ARHGAP24: variants seen among roughly 807,000 people sequenced by gnomAD.
ARHGAP24 encodes rho GTPase-activating protein 24.
In ARHGAP24, 50 loss-of-function variants were observed where a neutral mutation model predicts 76.4. That is an observed-to-expected ratio of 0.65 (90% CI 0.52 to 0.83). ARHGAP24 has a LOEUF of 0.83. ARHGAP24 is among the 40% of genes least tolerant of loss of function. ARHGAP24 has a pLI of 0.00. For missense variants in ARHGAP24, 930 were observed against 914.2 expected, an observed-to-expected ratio of 1.02 and a Z score of -0.22; for synonymous variants, 345 against 323.3, an observed-to-expected ratio of 1.07 and a Z score of -0.72.
intron 1 of ARHGAP24, among the ~76,000 whole-genome samples, chr4:85,553,583 G>T (rs1726233907): frequency 6.6e-6 from 1 of 152,048 alleles, no homozygotes; most frequent in Non-Finnish European, 1.5e-5. Context: ...AGCACTGATT[G>T]GTGCATTTAC....
chr4:85,539,849 G>C (rs1725608692), intron 1 of ARHGAP24, among the ~76,000 whole-genome samples: 1 of 152,128 alleles, frequency 6.6e-6, no homozygotes, highest in South Asian at 2.1e-4. Flanking sequence ...GAGGTCAGGA[G>C]TTTGCGACCA....
chr4:85,699,774 T>C (rs1724005179), intron 2 of ARHGAP24, among the ~76,000 whole-genome samples: 1 of 152,162 alleles, frequency 6.6e-6, no homozygotes, highest in African/African-American at 2.4e-5. Flanking sequence ...GTATTCATTT[T>C]GTGTATTGTT....
At chr4:85,745,940 C>T (rs1185757763) in intron 3 of ARHGAP24, among the ~76,000 whole-genome samples, 1 of 152,188 alleles carries the variant, frequency 6.6e-6, no homozygotes, top group African/African-American at 2.4e-5. Flanking sequence ...TCCCCTGTAG[C>T]CTGACAGTCC....
At chr4:85,784,123 T>C (rs1727694871) in intron 3 of ARHGAP24, among the ~76,000 whole-genome samples, 1 of 152,232 alleles carries the variant, frequency 6.6e-6, no homozygotes, top group South Asian at 2.1e-4. Flanking sequence ...CAGAGGTTGC[T>C]CATGATGGCT....
At chr4:85,715,788 T>C (rs967096695) in intron 2 of ARHGAP24, among the ~76,000 whole-genome samples, 1 of 152,092 alleles carries the variant, frequency 6.6e-6, no homozygotes, top group Non-Finnish European at 1.5e-5. Context: ...AATTTTTGGA[T>C]ATAGGAATGC....
intron 1 of ARHGAP24, among the ~76,000 whole-genome samples, chr4:85,503,153 C>T (rs1188046564): frequency 6.6e-6 from 1 of 152,218 alleles, no homozygotes; most frequent in African/African-American, 2.4e-5. Context: ...CATCGATGAA[C>T]ATCAGGGATA....
intron 2 of ARHGAP24, among the ~76,000 whole-genome samples, chr4:85,696,826 T>C (rs191618546): frequency 1.3e-5 from 2 of 152,302 alleles, no homozygotes; most frequent in African/African-American, 4.8e-5. Context: ...TGCTGACTTA[T>C]ATGAAAGGAC....
At chr4:85,599,854 A>G (rs758126206) in intron 2 of ARHGAP24, among the ~76,000 whole-genome samples, 22 of 152,264 alleles carry the variant, frequency 1.4e-4, no homozygotes, top group Non-Finnish European at 2.8e-4. Flanking sequence ...AAACAAAATA[A>G]ATTTATTTTA....
intron 4 of ARHGAP24, among the ~76,000 whole-genome samples, chr4:85,931,303 G>C (rs1358195256): frequency 6.6e-6 from 1 of 151,980 alleles, no homozygotes; most frequent in East Asian, 1.9e-4. Flanking sequence ...GACTGACAGG[G>C]GACTAAGTAA....
At chr4:85,568,740 G>A (rs910741663) in intron 1 of ARHGAP24, among the ~76,000 whole-genome samples, 4 of 152,274 alleles carry the variant, frequency 2.6e-5, no homozygotes, top group African/African-American at 7.2e-5. Flanking sequence ...GTGTCCAGAC[G>A]TATTGTAGAG....
At chr4:85,740,259 G>A (rs1021184946) in intron 3 of ARHGAP24, among the ~76,000 whole-genome samples, 3 of 147,798 alleles carry the variant, frequency 2.0e-5, no homozygotes, top group Admixed American at 6.9e-5. Context: ...TTCCTCTGTC[G>A]TCCAGGCTGC....
intron 1 of ARHGAP24, among the ~76,000 whole-genome samples, chr4:85,516,569 G>C (rs1054641168): frequency 2.0e-5 from 3 of 151,218 alleles, no homozygotes; most frequent in Non-Finnish European, 4.4e-5. Flanking sequence ...TATGTTTAAG[G>C]GCCAAGAAAT....
intron 3 of ARHGAP24, among the ~76,000 whole-genome samples, chr4:85,818,847 G>A (rs887457467): frequency 2.0e-5 from 3 of 152,090 alleles, no homozygotes; most frequent in Non-Finnish European, 4.4e-5. Flanking sequence ...TCCCTGTTGT[G>A]AGTAGATATG....
At position 86,001,501 on chromosome 4, in the gene ARHGAP24, G is replaced by A. The variant is rs574224034; in HGVS notation, c.*779G>A. The A allele has an allele frequency of 4.8e-5, 19 of 398,522 alleles. No individual in the cohort carries two copies. Among genetic ancestry groups the A allele is most frequent in the Middle Eastern group, 6.3e-4 (1 of 1,588 alleles). 24.7% of individuals were successfully genotyped at this position (398,522 alleles called of 1,614,324 possible). ...TCCTTAGAAAAGAAAAAATGGTAAA[G>A]AATGGCATTTAACGATTCAGGCTTT... On this transcript the variant is annotated 3_prime_UTR_variant, in exon 10 of 10. Transcript: ENST00000395184.
intron 2 of ARHGAP24, among the ~76,000 whole-genome samples, chr4:85,698,447 A>G (rs551593251): frequency 6.6e-6 from 1 of 152,328 alleles, no homozygotes; most frequent in South Asian, 2.1e-4. Flanking sequence ...TAAATGCCTC[A>G]ACATTTGGGA....
chr4:85,958,791 A>G (rs1304259977), intron 5 of ARHGAP24, among the ~76,000 whole-genome samples: 3 of 152,206 alleles, frequency 2.0e-5, no homozygotes, highest in South Asian at 2.1e-4. Context: ...TATCACCCCA[A>G]TAAGATTTCT....
At chr4:85,946,182 T>G (rs1330094437) in intron 5 of ARHGAP24, among the ~76,000 whole-genome samples, 7 of 152,146 alleles carry the variant, frequency 4.6e-5, no homozygotes, top group African/African-American at 1.7e-4. Context: ...CCCACCAGGG[T>G]CCTCCCGTGA....
Position 85,982,483 on chromosome 4 carries a change from T to G in ARHGAP24, c.928+4792T>G, listed in dbSNP as rs78923005. On this transcript the variant is annotated intron_variant, in intron 8 of 9. Transcript: ENST00000395184. ...GTCACGGGAAGGTCTCCCCATTCCC[T>G]GGGAGTGTAGTTGTTTCATTTAACC... Among the ~76,000 whole-genome samples the G allele has an allele frequency of 4.9e-3, 751 of 152,226 alleles. 23 individuals carry two copies. The highest frequency in any genetic ancestry group is 0.04 in the East Asian group (209 of 5,180).
intron 3 of ARHGAP24, among the ~76,000 whole-genome samples, chr4:85,758,074 C>T (rs1726585313): frequency 6.6e-6 from 1 of 152,068 alleles, no homozygotes; most frequent in African/African-American, 2.4e-5. Context: ...AAAAAAAAGC[C>T]TAATGGTTTT....
Sources: allele counts gnomAD v4.1 joint callset (sites outside exome capture counted in the v4.1 genomes callset), GRCh38; gene constraint gnomAD v4.1.1; transcripts MANE v1.5; gene names NCBI Gene and HGNC (gene_info 2026-07-23, HGNC 2026-07-21).